PFKFB3: variants seen among roughly 807,000 people sequenced by gnomAD.
The protein encoded by PFKFB3 is 6-phosphofructo-2-kinase/fructose-2,6-bisphosphatase 3.
PFKFB3 carries 33 observed loss-of-function variants against 68.0 expected under a neutral mutation model. That is an observed-to-expected ratio of 0.49 (90% CI 0.37 to 0.65). PFKFB3 has a LOEUF of 0.65. Among genes scored for constraint, PFKFB3 ranks in the 30% least tolerant of loss-of-function variants. The probability of loss-of-function intolerance (pLI) is 0.00; values close to 1 mark genes in which losing one functional copy is unlikely to be tolerated. For missense variants in PFKFB3, 586 were observed against 712.2 expected (o/e 0.82, Z 2.02); for synonymous variants, 315 against 288.2 (o/e 1.09, Z -0.94).
chr10:6,204,618 C>G (rs547704943), intron 1 of PFKFB3, among the ~76,000 whole-genome samples: 5 of 152,344 alleles, frequency 3.3e-5, no homozygotes, highest in Admixed American at 6.5e-5. Flanking sequence ...TGTTCCCCCT[C>G]TTTGTGAGGT....
chr10:6,160,147 A>G (rs1841931181), intron 1 of PFKFB3, among the ~76,000 whole-genome samples: 1 of 152,266 alleles, frequency 6.6e-6, no homozygotes, highest in Non-Finnish European at 1.5e-5. Context: ...GTATTTTTAC[A>G]AGATTCAGGA....
intron 14 of PFKFB3, chr10:6,231,173 C>T: frequency 1.0e-6 from 1 of 958,776 alleles, no homozygotes; most frequent in Non-Finnish European, 1.7e-6. Flanking sequence ...TTTAAAATTT[C>T]AAATGCACAC....
intron 1 of PFKFB3, among the ~76,000 whole-genome samples, chr10:6,179,220 A>G (rs773432060): frequency 6.6e-6 from 1 of 152,238 alleles, no homozygotes; most frequent in Non-Finnish European, 1.5e-5. Flanking sequence ...GAGGTCACAC[A>G]GCGTGTGAGT....
At chr10:6,292,040 A>G in the PFKFB3 span, among the ~76,000 whole-genome samples, 1 of 128,414 alleles carries the variant, frequency 7.8e-6, no homozygotes. Context: ...TGCAACCTCC[A>G]CCTCCCGAGT....
At chr10:6,262,225 C>T in the PFKFB3 span, among the ~76,000 whole-genome samples, 480 of 151,762 alleles carry the variant, frequency 3.2e-3, 3 homozygotes, top group African/African-American at 0.011. Flanking sequence ...GAGGCTGAGG[C>T]GGGCGGATCA....
intron 14 of PFKFB3, among the ~76,000 whole-genome samples, chr10:6,230,850 G>T (rs148657836): frequency 6.6e-6 from 1 of 152,184 alleles, no homozygotes; most frequent in Admixed American, 6.5e-5. Context: ...CGAGTAGCTG[G>T]GATTACAGGC....
intron 1 of PFKFB3, among the ~76,000 whole-genome samples, chr10:6,208,863 C>G (rs1476900614): frequency 6.6e-6 from 1 of 152,186 alleles, no homozygotes; most frequent in Admixed American, 6.5e-5. Flanking sequence ...TATCCCACGG[C>G]TGAGTGTTCA....
the PFKFB3 span, among the ~76,000 whole-genome samples, chr10:6,310,561 G>A: frequency 2.3e-4 from 35 of 152,288 alleles, no homozygotes; most frequent in East Asian, 3.9e-3. Flanking sequence ...CACCCATATT[G>A]CAGGATAGAT....
intron 13 of PFKFB3, among the ~76,000 whole-genome samples, chr10:6,225,686 AGCCTCCGT>A (rs1259996693): frequency 1.3e-5 from 2 of 149,618 alleles, no homozygotes; most frequent in Non-Finnish European, 3.0e-5. Flanking sequence ...CTTGTTTTGC[AGCCTCCGT>A]GCCCCATCCT....
At chr10:6,199,658 ATTTTTTTTT>A (rs143309528), upstream of PFKFB3, among the ~76,000 whole-genome samples, 58 of 75,600 alleles carry the variant, frequency 7.7e-4, no homozygotes, top group East Asian at 0.014. Flanking sequence ...CTATTTTTAA[ATTTTTTTTT>A]TTTTTTTTTT....
At chr10:6,181,641 G>T (rs555058914) in intron 1 of PFKFB3, among the ~76,000 whole-genome samples, 445 of 152,060 alleles carry the variant, frequency 2.9e-3, no homozygotes, top group Admixed American at 6.9e-3. Flanking sequence ...GAAACATAGC[G>T]AGGCCTCACT....
the PFKFB3 span, among the ~76,000 whole-genome samples, chr10:6,297,679 A>G: frequency 6.6e-6 from 1 of 152,170 alleles, no homozygotes; most frequent in Non-Finnish European, 1.5e-5. Flanking sequence ...TTTGCATTTG[A>G]GCTGGAAGCT....
the PFKFB3 span, among the ~76,000 whole-genome samples, chr10:6,306,352 C>G: frequency 6.6e-6 from 1 of 152,236 alleles, no homozygotes; most frequent in Non-Finnish European, 1.5e-5. Flanking sequence ...TGCATTACCT[C>G]TCAGAGATGC....
chr10:6,259,184 T>TATCC (rs199968075), downstream of PFKFB3, among the ~76,000 whole-genome samples: 721 of 138,512 alleles, frequency 5.2e-3, 10 homozygotes, highest in African/African-American at 0.017. Context: ...CCCATCCATC[T>TATCC]ATCCATCCAT....
Position 6,177,436 on chromosome 10 carries a change from TTC to T in PFKFB3, c.16+32427_16+32428del, listed in dbSNP as rs372374322. ...CTTTCTCTTTCTTCCTTTCTTTTCT[TTC>T]TCTTTCTTTCTTTCTTTCTTTCTTT... On this transcript the variant is annotated intron_variant, in intron 1 of 14. Coordinates refer to the PFKFB3 transcript ENST00000379789. Among the ~76,000 whole-genome samples the T allele has an allele frequency of 4.3e-3, 239 of 56,054 alleles. 1 individual carries two copies. The highest frequency in any genetic ancestry group is 0.015 in the Middle Eastern group (2 of 130). The allele number at this position is 56,054 out of a possible 152,430, so 36.8% of individuals were successfully genotyped here.
At position 6,220,892 on chromosome 10, in the gene PFKFB3, G is replaced by T; in HGVS notation, c.831+27G>T. On this transcript the variant is annotated intron_variant, in intron 8 of 14. Coordinates refer to ENST00000379775, the MANE Select transcript of PFKFB3 (RefSeq NM_004566.4). This position sits in a 1 kb window ranked among gnomAD's most constrained non-coding sequence, Gnocchi z 4.1. ...TGCGGGGTGTGCTGCCGCATGGGCC[G>T]TTCTGGCTGTAGGGCGGTTGCAGGG... 6.2e-7 allele frequency: 1 copy of T among 1,600,944 alleles called. No individual in the cohort carries two copies. Among genetic ancestry groups the T allele is most frequent in the Non-Finnish European group, 8.5e-7 (1 of 1,174,972 alleles).
intron 1 of PFKFB3, among the ~76,000 whole-genome samples, chr10:6,183,865 T>C (rs1348492237): frequency 6.6e-6 from 1 of 151,222 alleles, no homozygotes; most frequent in African/African-American, 2.4e-5. Context: ...TTTTTTTTTA[T>C]ATTTTTAGTA....
chr10:6,213,308 C>G (rs187279888), intron 1 of PFKFB3, among the ~76,000 whole-genome samples: 2 of 152,170 alleles, frequency 1.3e-5, no homozygotes, highest in Non-Finnish European at 2.9e-5. Flanking sequence ...TTGTTTGAGA[C>G]CAGGACTTCG....
At chr10:6,299,968 CTTTTTTTTTTTTTTT>C in the PFKFB3 span, among the ~76,000 whole-genome samples, 2 of 48,586 alleles carry the variant, frequency 4.1e-5, no homozygotes, top group South Asian at 1.4e-3. Context: ...GTTCAGAAGA[CTTTTTTTTTTTTTTT>C]TTTTTTTTTT....
Sources: allele counts gnomAD v4.1 joint callset (sites outside exome capture counted in the v4.1 genomes callset), GRCh38; gene constraint gnomAD v4.1.1; non-coding constraint Gnocchi (gnomAD v3.1); transcripts MANE v1.5; gene names NCBI Gene and HGNC (gene_info 2026-07-23, HGNC 2026-07-21).